CPQ: variants seen among roughly 807,000 people sequenced by gnomAD.
CPQ encodes the protein carboxypeptidase Q.
In CPQ, 37 loss-of-function variants were observed where a neutral mutation model predicts 45.7. That is an observed-to-expected ratio of 0.81 (90% CI 0.62 to 1.07). The LOEUF (loss-of-function observed/expected upper bound fraction) is 1.07. CPQ is among the 50% of genes least tolerant of loss of function. CPQ has a pLI of 0.00. For synonymous variants in CPQ, 186 were observed against 205.8 expected (o/e 0.90, Z 0.82); for missense variants, 537 against 572.9 (o/e 0.94, Z 0.64).
chr8:96,711,901 G>T (rs760714020), intron 1 of CPQ, among the ~76,000 whole-genome samples: 2 of 151,950 alleles, frequency 1.3e-5, no homozygotes, highest in Admixed American at 6.6e-5. Flanking sequence ...TAACCCAAAA[G>T]TCCAAGTCCA....
chr8:97,035,831 C>T (rs1809993371), intron 6 of CPQ, among the ~76,000 whole-genome samples: 1 of 152,160 alleles, frequency 6.6e-6, no homozygotes, highest in African/African-American at 2.4e-5. Flanking sequence ...CCTTAGCCTC[C>T]TGAGTAGCTG....
At chr8:96,998,594 G>A (rs1304079613) in intron 5 of CPQ, among the ~76,000 whole-genome samples, 1 of 151,810 alleles carries the variant, frequency 6.6e-6, no homozygotes, top group Non-Finnish European at 1.5e-5. Context: ...GACAAATCAT[G>A]CCAAGCAAGA....
intron 1 of CPQ, among the ~76,000 whole-genome samples, chr8:96,698,075 G>A (rs1419701201): frequency 6.6e-6 from 1 of 151,982 alleles, no homozygotes; most frequent in Non-Finnish European, 1.5e-5. Flanking sequence ...AAAAAAATGA[G>A]GAATCACATT....
At chr8:96,950,084 G>A (rs1813238539) in intron 4 of CPQ, among the ~76,000 whole-genome samples, 2 of 151,984 alleles carry the variant, frequency 1.3e-5, no homozygotes, top group Non-Finnish European at 2.9e-5. Context: ...CTAATTTCTT[G>A]TCCATAGCTC....
intron 4 of CPQ, among the ~76,000 whole-genome samples, chr8:96,938,752 C>T (rs1563533857): frequency 6.6e-6 from 1 of 152,110 alleles, no homozygotes; most frequent in African/African-American, 2.4e-5. Flanking sequence ...TGATGTAGTC[C>T]ATATAGGTCA....
At chr8:96,740,672 AG>A (rs1438708706) in intron 1 of CPQ, among the ~76,000 whole-genome samples, 1 of 151,922 alleles carries the variant, frequency 6.6e-6, no homozygotes, top group Non-Finnish European at 1.5e-5. Context: ...TTTAGCATGA[AG>A]GGTTGTTGAA....
chr8:96,979,490 G>A (rs1481448842), intron 5 of CPQ, among the ~76,000 whole-genome samples: 1 of 152,086 alleles, frequency 6.6e-6, no homozygotes, highest in African/African-American at 2.4e-5. Flanking sequence ...GGGTTTCCAG[G>A]GATGCTGTGT....
chr8:96,928,988 T>C (rs1812932713), intron 4 of CPQ, among the ~76,000 whole-genome samples: 1 of 152,152 alleles, frequency 6.6e-6, no homozygotes, highest in Non-Finnish European at 1.5e-5. Context: ...CCTATATATT[T>C]AAAAAATTAT....
At chr8:96,921,463 T>C (rs1812805929) in intron 4 of CPQ, among the ~76,000 whole-genome samples, 1 of 152,220 alleles carries the variant, frequency 6.6e-6, no homozygotes, top group South Asian at 2.1e-4. Context: ...ATACCTCTTG[T>C]TTTTTCTGCT....
chr8:96,683,186 A>G (rs1288220042), intron 1 of CPQ, among the ~76,000 whole-genome samples: 1 of 151,740 alleles, frequency 6.6e-6, no homozygotes, highest in Non-Finnish European at 1.5e-5. Context: ...TCCGTTAAGT[A>G]TTTCCTGCAG....
chr8:96,882,638 C>T (rs1812243902), intron 4 of CPQ, among the ~76,000 whole-genome samples: 2 of 152,104 alleles, frequency 1.3e-5, no homozygotes, highest in South Asian at 4.1e-4. Context: ...AGTATTTAGG[C>T]AGAGGAGTTC....
chr8:97,011,614 T>C (rs1296564843), intron 5 of CPQ, among the ~76,000 whole-genome samples: 1 of 152,222 alleles, frequency 6.6e-6, no homozygotes, highest in Non-Finnish European at 1.5e-5. Flanking sequence ...CTGACACTTA[T>C]TGGCTGTATA....
At chr8:97,084,622 G>A (rs566697860) in intron 7 of CPQ, among the ~76,000 whole-genome samples, 2 of 152,278 alleles carry the variant, frequency 1.3e-5, no homozygotes, top group African/African-American at 4.8e-5. Context: ...GGCACATACA[G>A]TGCCATTCAT....
chr8:96,933,876 C>T (rs1412139569), intron 4 of CPQ, among the ~76,000 whole-genome samples: 9 of 152,206 alleles, frequency 5.9e-5, no homozygotes, highest in Non-Finnish European at 2.9e-5. Flanking sequence ...TTGTCCTTAG[C>T]TCTGTGGCCT....
intron 5 of CPQ, among the ~76,000 whole-genome samples, chr8:97,002,513 T>C (rs149116673): frequency 3.3e-5 from 5 of 152,342 alleles, no homozygotes; most frequent in African/African-American, 1.2e-4. Flanking sequence ...CTTAATTTCA[T>C]TGTTTACCCA....
chr8:97,056,255 G>A (rs1810454783), intron 6 of CPQ, among the ~76,000 whole-genome samples: 2 of 152,136 alleles, frequency 1.3e-5, no homozygotes, highest in African/African-American at 4.8e-5. Flanking sequence ...GTAGAATTCA[G>A]GAGATGCATG....
chr8:97,137,315 C>T (rs1235036872), intron 7 of CPQ, among the ~76,000 whole-genome samples: 1 of 152,186 alleles, frequency 6.6e-6, no homozygotes. Flanking sequence ...CTTTAAGAAG[C>T]TCTGACTGGG....
chr8:96,785,886 C>T (rs1288689414), intron 2 of CPQ, among the ~76,000 whole-genome samples: 1 of 152,168 alleles, frequency 6.6e-6, no homozygotes, highest in African/African-American at 2.4e-5. Context: ...AGCCAGTCAT[C>T]AGGGAGCTAT....
At chr8:96,788,381 A>G (rs1810802630) in intron 2 of CPQ, among the ~76,000 whole-genome samples, 1 of 151,780 alleles carries the variant, frequency 6.6e-6, no homozygotes, top group Non-Finnish European at 1.5e-5. Flanking sequence ...GCTTGTCTCA[A>G]ACTCCTGGAT....
Sources: allele counts gnomAD v4.1 joint callset (sites outside exome capture counted in the v4.1 genomes callset), GRCh38; gene constraint gnomAD v4.1.1; transcripts MANE v1.5; gene names NCBI Gene and HGNC (gene_info 2026-07-23, HGNC 2026-07-21).